The following TMLHE variants were observed in gnomAD, a reference collection of about 807,000 sequenced individuals.
The protein encoded by TMLHE is trimethyllysine hydroxylase, epsilon.
In TMLHE, 18 loss-of-function variants were observed where a neutral mutation model predicts 25.7. The ratio of observed to expected loss-of-function variants is 0.70; its 90% CI spans 0.48 to 1.04. TMLHE has a LOEUF of 1.04. Among genes scored for constraint, TMLHE ranks in the 50% least tolerant of loss-of-function variants. TMLHE has a pLI of 0.00. For synonymous variants in TMLHE, 105 were observed against 97.0 expected (o/e 1.08, Z -0.49); for missense variants, 236 against 259.0 (o/e 0.91, Z 0.61).
At chrX:155,565,738 A>G (rs2067509729) in intron 1 of TMLHE, among the ~76,000 whole-genome samples, 1 of 62,219 alleles carries the variant, frequency 1.6e-5, no homozygotes, top group African/African-American at 3.6e-5. Flanking sequence ...TTGCTTCTGA[A>G]TGAAATCTAT....
intron 2 of TMLHE, among the ~76,000 whole-genome samples, chrX:155,544,161 C>T (rs1244635341): frequency 9.0e-6 from 1 of 111,378 alleles, no homozygotes; most frequent in Non-Finnish European, 1.9e-5. Flanking sequence ...GTGACTTTAA[C>T]AATTGTTTTT....
intron 1 of TMLHE, among the ~76,000 whole-genome samples, chrX:155,605,232 A>G (rs1232688458): frequency 1.8e-5 from 2 of 112,157 alleles, no homozygotes; most frequent in Admixed American, 1.9e-4. Context: ...CTAATATGAT[A>G]GAGCTGAAAA....
Position 155,561,386 on chromosome X carries a change from T to G in TMLHE, c.-1-16109A>C, listed in dbSNP as rs1270540568. On this transcript the variant is annotated intron_variant, in intron 1 of 7. Transcript: ENST00000334398. ...ATGAGAACAGCAAGGGGAAATCCAC[T>G]GCCATGATTCAATCACTTCCCACCA... 1.2e-4 allele frequency among the ~76,000 whole-genome samples: 7 copies of G among 60,716 alleles called. 2 individuals carry two copies. The Admixed American group carries it at 1.4e-3, about 12-fold the overall frequency. 52.7% of individuals were successfully genotyped at this position (60,716 alleles called of 115,157 possible).
intron 3 of TMLHE, among the ~76,000 whole-genome samples, chrX:155,521,925 A>T (rs1055468580): frequency 1.4e-4 from 13 of 95,701 alleles, no homozygotes; most frequent in South Asian, 1.1e-3. Flanking sequence ...ACTGTCTGGC[A>T]CTCCCTAGTG....
At chrX:155,548,691 T>C (rs5940381) in intron 1 of TMLHE, among the ~76,000 whole-genome samples, 59,249 of 105,751 alleles carry the variant, frequency 0.56, 14,560 homozygotes, top group Middle Eastern at 0.79. Flanking sequence ...GCTGAGATTG[T>C]GCCACTGCAC....
At chrX:155,494,654 AAAAG>A (rs201171690) in intron 6 of TMLHE, among the ~76,000 whole-genome samples, 45 of 4,150 alleles carry the variant, frequency 0.011, 5 homozygotes, top group African/African-American at 0.025. Flanking sequence ...GAAAAAAAAA[AAAAG>A]AAAGAAAGAA....
At chrX:155,567,765 C>T (rs2067516217) in intron 1 of TMLHE, among the ~76,000 whole-genome samples, 1 of 61,824 alleles carries the variant, frequency 1.6e-5, no homozygotes, top group Non-Finnish European at 4.5e-5. Context: ...CAGTGGAAGA[C>T]CGAAGAACTG....
chrX:155,526,811 A>G (rs782601547), intron 2 of TMLHE, among the ~76,000 whole-genome samples: 1 of 113,138 alleles, frequency 8.8e-6, no homozygotes, highest in Non-Finnish European at 1.9e-5. Flanking sequence ...TGGAGCTTTA[A>G]GATTTAACGA....
chrX:155,524,653 A>T (rs375432770), intron 2 of TMLHE, 21 bp from the exon 3 acceptor site: 57 of 1,132,967 alleles, frequency 5.0e-5, no homozygotes, highest in Non-Finnish European at 6.3e-5. Flanking sequence ...GATCACATTT[A>T]TCAGAACTAT....
chrX:155,547,371 C>T (rs911890976), intron 1 of TMLHE, among the ~76,000 whole-genome samples: 29 of 110,017 alleles, frequency 2.6e-4, no homozygotes, highest in Non-Finnish European at 4.9e-4. Flanking sequence ...GTCTCGATCT[C>T]CTGACCTCGT....
At chrX:155,576,723 T>C (rs1340415378) in intron 1 of TMLHE, among the ~76,000 whole-genome samples, 1 of 111,846 alleles carries the variant, frequency 8.9e-6, no homozygotes, top group Non-Finnish European at 1.9e-5. Context: ...AACCATCTGA[T>C]CTTCAATGAA....
At chrX:155,543,951 G>T (rs2124408918) in intron 2 of TMLHE, among the ~76,000 whole-genome samples, 1 of 112,106 alleles carries the variant, frequency 8.9e-6, no homozygotes, top group Non-Finnish European at 1.9e-5. Flanking sequence ...TTTTGCTTTT[G>T]TCTTCTCTCT....
At chrX:155,508,059 G>A (rs944217187) in intron 5 of TMLHE, among the ~76,000 whole-genome samples, 1 of 110,694 alleles carries the variant, frequency 9.0e-6, no homozygotes, top group African/African-American at 3.3e-5. Flanking sequence ...TACTAAGACC[G>A]AGATTACAGA....
At chrX:155,567,526 T>A (rs1334913134) in intron 1 of TMLHE, among the ~76,000 whole-genome samples, 4 of 61,211 alleles carry the variant, frequency 6.5e-5, no homozygotes, top group African/African-American at 1.1e-4. Flanking sequence ...AATAGCTGAG[T>A]GAGGAGTTCA....
intron 1 of TMLHE, among the ~76,000 whole-genome samples, chrX:155,573,950 T>G (rs1468389494): frequency 2.0e-5 from 2 of 102,113 alleles, no homozygotes; most frequent in Non-Finnish European, 3.9e-5. Flanking sequence ...AATCTGCACA[T>G]TGTGCACATG....
At position 155,513,902 on chromosome X, in the gene TMLHE, C is replaced by T. The variant is rs782119443; in HGVS notation, c.638+84G>A. ...TATTCTGGATTGAAAACGAGGGTGA[C>T]CATACCTGTTACATTTATTTATTGG... On this transcript the variant is annotated intron_variant, in intron 4 of 7. Coordinates refer to ENST00000334398, the MANE Select transcript of TMLHE (RefSeq NM_018196.4). The T allele has an allele frequency of 1.6e-3, 1,578 of 991,494 alleles. 5 individuals are homozygous for T. The highest frequency in any genetic ancestry group is 4.1e-3 in the Middle Eastern group (11 of 2,693). The allele number at this position is 991,494 out of a possible 1,213,427, so 81.7% of individuals were successfully genotyped here. A position where few individuals can be genotyped will look rare whatever the true frequency, so the allele number is the denominator to read the frequency against.
chrX:155,599,150 T>A (rs1343931459), intron 1 of TMLHE, among the ~76,000 whole-genome samples: 4 of 112,021 alleles, frequency 3.6e-5, no homozygotes, highest in Non-Finnish European at 5.6e-5. Flanking sequence ...AGTAGTTAAG[T>A]TTGGGGGAAT....
intron 1 of TMLHE, among the ~76,000 whole-genome samples, chrX:155,556,016 A>C (rs782086151): frequency 9.0e-6 from 1 of 110,923 alleles, no homozygotes; most frequent in African/African-American, 3.3e-5. Context: ...CTAACATTTA[A>C]GTCTTTAATC....
At chrX:155,510,647 C>T (rs1483660064) in intron 5 of TMLHE, among the ~76,000 whole-genome samples, 16 of 109,432 alleles carry the variant, frequency 1.5e-4, no homozygotes, top group African/African-American at 4.6e-4. Flanking sequence ...TCCAGTCTAT[C>T]GTTGTTGGAC....
Sources: allele counts gnomAD v4.1 joint callset (sites outside exome capture counted in the v4.1 genomes callset), GRCh38; gene constraint gnomAD v4.1.1; transcripts MANE v1.5; gene names NCBI Gene and HGNC (gene_info 2026-07-23, HGNC 2026-07-21).